The following CCDC171 variants were observed in gnomAD, a reference collection of about 807,000 sequenced individuals.
CCDC171 encodes the protein coiled-coil domain containing 171, also known as coiled-coil domain-containing protein 171.
A neutral mutation model predicts 168.2 loss-of-function variants in CCDC171; 177 were observed. That is an observed-to-expected ratio of 1.05 (90% CI 0.93 to 1.19). The LOEUF (loss-of-function observed/expected upper bound fraction) is 1.19. Among genes scored for constraint, CCDC171 ranks in the 50% most tolerant of loss-of-function variants. The pLI, the probability that CCDC171 is intolerant of heterozygous loss-of-function variation, is 0.00. For missense variants in CCDC171, 1,991 were observed against 1,539.0 expected (o/e 1.29, Z -4.91); for synonymous variants, 687 against 540.8 (o/e 1.27, Z -3.75).
chr9:15,753,604 A>C (rs200685315), intron 18 of CCDC171, among the ~76,000 whole-genome samples: 1 of 152,122 alleles, frequency 6.6e-6, no homozygotes, highest in Admixed American at 6.6e-5. Context: ...AAAGATATGC[A>C]TAGGTAAGAT....
rs879764614 is a variant in CCDC171, at chr9:16,052,798, G to A, written n.90-7848G>A. Among the ~76,000 whole-genome samples, 6 of 75,760 alleles carry A rather than the reference G, an allele frequency of 7.9e-5. No homozygotes were observed. The South Asian group carries it at 1.5e-3, about 19-fold the overall frequency. The allele number at this position is 75,760 out of a possible 152,430, so 49.7% of individuals were successfully genotyped here. On this transcript the variant is annotated intron_variant and non_coding_transcript_variant, in intron 1 of 1. Coordinates refer to the CCDC171 transcript ENST00000478913. ...TCTTTCTTTCCTCCCCCAACCCACC[G>A]CCCCCCATTACACTTTGAGAAGTTG... is the stretch of plus-strand genomic sequence containing the variant.
intron 21 of CCDC171, among the ~76,000 whole-genome samples, chr9:15,789,303 T>C (rs1307316474): frequency 6.6e-6 from 1 of 152,182 alleles, no homozygotes; most frequent in Admixed American, 6.5e-5. Flanking sequence ...ATTCAAAATC[T>C]GAAATACTTC....
chr9:16,051,680 T>C lies in CCDC171; in HGVS notation n.89+8794T>C, dbSNP rs573783569. Among the ~76,000 whole-genome samples, 13 of 152,336 alleles carry C rather than the reference T, an allele frequency of 8.5e-5. No individual in the cohort carries two copies. In the East Asian group the frequency reaches 1.9e-3, roughly 23 times the overall value. On this transcript the variant is annotated intron_variant and non_coding_transcript_variant, in intron 1 of 1. Coordinates refer to the CCDC171 transcript ENST00000478913. ...GGATCTGGAATCAAACCCCAGTAAT[T>C]TGAATCCAGAGTTCTTAACCACTAC...
intron 25 of CCDC171, among the ~76,000 whole-genome samples, chr9:15,948,596 A>G (rs979284946): frequency 4.0e-5 from 6 of 151,800 alleles, no homozygotes; most frequent in Admixed American, 6.6e-5. Flanking sequence ...GCATTTTTTC[A>G]TGTGTTTTTT....
At chr9:15,644,080 A>T (rs1389538827) in intron 7 of CCDC171, among the ~76,000 whole-genome samples, 2 of 152,188 alleles carry the variant, frequency 1.3e-5, no homozygotes, top group African/African-American at 4.8e-5. Context: ...CTCTTGGGCA[A>T]ATATATAGGA....
At chr9:16,073,554 T>C in the CCDC171 span, among the ~76,000 whole-genome samples, 1 of 152,230 alleles carries the variant, frequency 6.6e-6, no homozygotes, top group Non-Finnish European at 1.5e-5. Flanking sequence ...CTCTTCCATT[T>C]AGGTTAGTGG....
intron 3 of CCDC171, among the ~76,000 whole-genome samples, chr9:16,008,903 A>T (rs1296974257): frequency 6.6e-6 from 1 of 152,136 alleles, no homozygotes; most frequent in Non-Finnish European, 1.5e-5. Flanking sequence ...TCTGGCCATC[A>T]TGTGAATTCC....
the CCDC171 span, among the ~76,000 whole-genome samples, chr9:16,084,829 G>A: frequency 1.3e-5 from 2 of 152,292 alleles, no homozygotes; most frequent in Admixed American, 1.3e-4. Flanking sequence ...GAAGGCCGGT[G>A]AGGTAAGGCA....
chr9:15,565,895 A>T (rs533032115), intron 2 of CCDC171, among the ~76,000 whole-genome samples: 2 of 152,386 alleles, frequency 1.3e-5, no homozygotes, highest in South Asian at 4.1e-4. Flanking sequence ...GCTGTATCAT[A>T]TAGTAAATTT....
chr9:15,902,319 T>C (rs1264935814), intron 24 of CCDC171, among the ~76,000 whole-genome samples: 1 of 151,426 alleles, frequency 6.6e-6, no homozygotes, highest in Non-Finnish European at 1.5e-5. Flanking sequence ...AGAAATGTAA[T>C]TTTCTAGCCA....
chr9:15,609,744 TTGATATC>T (rs1156862392), intron 6 of CCDC171, among the ~76,000 whole-genome samples: 1 of 152,232 alleles, frequency 6.6e-6, no homozygotes, highest in Non-Finnish European at 1.5e-5. Context: ...AGAATAAGTC[TTGATATC>T]TGGTAGAGAA....
intron 11 of CCDC171, among the ~76,000 whole-genome samples, chr9:15,713,441 C>T (rs539458024): frequency 3.9e-5 from 6 of 152,138 alleles, no homozygotes; most frequent in African/African-American, 1.4e-4. Context: ...CTTGCTCATA[C>T]AACTTATTTG....
At chr9:15,901,660 CAT>C (rs1174540748) in intron 24 of CCDC171, among the ~76,000 whole-genome samples, 1 of 152,038 alleles carries the variant, frequency 6.6e-6, no homozygotes, top group South Asian at 2.1e-4. Context: ...TAAGAAATAA[CAT>C]ATGTATTCTT....
chr9:15,770,235 C>A (rs1404895312), intron 18 of CCDC171, among the ~76,000 whole-genome samples: 3 of 152,100 alleles, frequency 2.0e-5, no homozygotes, highest in African/African-American at 7.2e-5. Flanking sequence ...TTGAAGACCA[C>A]CCAAAAAGTT....
intron 18 of CCDC171, among the ~76,000 whole-genome samples, chr9:15,756,320 A>C (rs2056112944): frequency 6.6e-6 from 1 of 152,202 alleles, no homozygotes; most frequent in South Asian, 2.1e-4. Flanking sequence ...AAAATAACAG[A>C]AACAAAAAAT....
At chr9:15,731,069 G>A (rs1029446857) in intron 16 of CCDC171, among the ~76,000 whole-genome samples, 2 of 151,854 alleles carry the variant, frequency 1.3e-5, no homozygotes, top group African/African-American at 4.8e-5. Context: ...CTTTGTGTTG[G>A]GAACATTTCA....
intron 25 of CCDC171, among the ~76,000 whole-genome samples, chr9:15,953,026 C>A (rs749824148): frequency 6.6e-6 from 1 of 152,036 alleles, no homozygotes; most frequent in Non-Finnish European, 1.5e-5. Context: ...TTTGTGTTGA[C>A]TTTGTGGCCT....
chr9:15,572,018 A>G (rs943529685), intron 3 of CCDC171, among the ~76,000 whole-genome samples: 4 of 152,196 alleles, frequency 2.6e-5, no homozygotes, highest in African/African-American at 4.8e-5. Flanking sequence ...AAAATTATTT[A>G]TGAACATGTT....
chr9:15,784,569 C>T lies in CCDC171; in HGVS notation c.3142C>T (p.Arg1048Trp), dbSNP rs767649040. ...ACEELNNALL[R>W]EEQAQMLLNE... ...TGAAGAACTAAATAATGCATTACTT[C>T]GGGAAGAGCAGGCACAAATGCTATT... The change falls in exon 21 of 26, where the codon CGG becomes TGG. Residue 1048 changes from arginine (R) to tryptophan (W), a missense_variant. By Grantham distance (101) the Arg-to-Trp change is moderately radical. Coordinates refer to ENST00000380701, the MANE Select transcript of CCDC171 (RefSeq NM_173550.4). 9 of 1,613,082 alleles carry T rather than the reference C, an allele frequency of 5.6e-6. No individual in the cohort carries two copies. The Admixed American group carries it at 6.7e-5, about 12-fold the overall frequency.
Sources: allele counts gnomAD v4.1 joint callset (sites outside exome capture counted in the v4.1 genomes callset), GRCh38; gene constraint gnomAD v4.1.1; transcripts MANE v1.5; gene names NCBI Gene and HGNC (gene_info 2026-07-23, HGNC 2026-07-21).